Variants in PDE4D observed in about 807,000 individuals in gnomAD.
The protein encoded by PDE4D is phosphodiesterase 4D.
Under a neutral mutation model 87.4 loss-of-function variants are expected in PDE4D, and 24 were observed. That is an observed-to-expected ratio of 0.27 (90% CI 0.20 to 0.39). The LOEUF (loss-of-function observed/expected upper bound fraction) is 0.39, where lower values mean the gene tolerates loss of function less well. PDE4D is among the 10% of genes least tolerant of loss of function. The probability of loss-of-function intolerance (pLI) is 1.00; values close to 1 mark genes in which losing one functional copy is unlikely to be tolerated. For missense variants in PDE4D, 714 were observed against 1,041.0 expected (o/e 0.69, Z 4.32); for synonymous variants, 384 against 383.2 (o/e 1.00, Z -0.02).
intron 1 of PDE4D, among the ~76,000 whole-genome samples, chr5:59,615,518 G>GT (rs1043620654): frequency 6.6e-6 from 1 of 152,140 alleles, no homozygotes; most frequent in African/African-American, 2.4e-5. Flanking sequence ...AGTCAAATAT[G>GT]TTTTGCTGAC....
At chr5:60,141,348 G>A (rs1156236313) in intron 2 of PDE4D, among the ~76,000 whole-genome samples, 1 of 152,046 alleles carries the variant, frequency 6.6e-6, no homozygotes, top group African/African-American at 2.4e-5. Flanking sequence ...GCAAGCTTTG[G>A]CAAAGACACC....
chr5:59,793,713 G>C (rs1051440340), intron 1 of PDE4D, among the ~76,000 whole-genome samples: 15 of 152,186 alleles, frequency 9.9e-5, no homozygotes, highest in African/African-American at 3.6e-4. Flanking sequence ...TGCTTGACTT[G>C]TTCATTTCAC....
chr5:59,496,051 T>C (rs933613548), intron 1 of PDE4D, among the ~76,000 whole-genome samples: 1 of 152,092 alleles, frequency 6.6e-6, no homozygotes, highest in African/African-American at 2.4e-5. Flanking sequence ...CACCTGGGCT[T>C]GGAGAATGAG....
chr5:59,712,523 T>C (rs1754359830), intron 1 of PDE4D, among the ~76,000 whole-genome samples: 1 of 136,516 alleles, frequency 7.3e-6, no homozygotes, highest in African/African-American at 2.7e-5. Flanking sequence ...CCACTGAATT[T>C]ACCCAACATT....
chr5:59,420,012 G>T (rs1416200243), intron 1 of PDE4D, among the ~76,000 whole-genome samples: 1 of 152,154 alleles, frequency 6.6e-6, no homozygotes, highest in Non-Finnish European at 1.5e-5. Flanking sequence ...TGCACGTGGT[G>T]GCAGATGGGG....
rs766156405 is a variant in PDE4D, at chr5:60,182,736, C to T, written c.42+2821G>A. Among the ~76,000 whole-genome samples the T allele has an allele frequency of 2.0e-5, 3 of 152,138 alleles. 1 individual carries two copies. Among genetic ancestry groups the T allele is most frequent in the Middle Eastern group, 6.8e-3 (2 of 294 alleles). The stretch of plus-strand genomic sequence containing the variant: ...TACTAAAAATGCCAAAAAAATTAGC[C>T]GAGCGTGGTGGCGGGCACGTGTAGT... On this transcript the variant is annotated intron_variant, in intron 2 of 16. Transcript: ENST00000502484.
intron 5 of PDE4D, among the ~76,000 whole-genome samples, chr5:59,066,947 G>A (rs1442352079): frequency 1.3e-5 from 2 of 151,924 alleles, no homozygotes; most frequent in Non-Finnish European, 2.9e-5. Flanking sequence ...CCAGAACTGT[G>A]AGAAATAAAT....
chr5:59,701,030 C>T (rs571800556), intron 1 of PDE4D, among the ~76,000 whole-genome samples: 1 of 152,294 alleles, frequency 6.6e-6, no homozygotes, highest in South Asian at 2.1e-4. Flanking sequence ...CTTAACCTGG[C>T]TCACAAGGTC....
At chr5:59,717,997 A>G (rs1353504014) in intron 1 of PDE4D, among the ~76,000 whole-genome samples, 2 of 152,196 alleles carry the variant, frequency 1.3e-5, no homozygotes, top group Non-Finnish European at 2.9e-5. Context: ...AGCCATTCCC[A>G]TAACCCACTC....
intron 1 of PDE4D, among the ~76,000 whole-genome samples, chr5:59,370,565 C>T (rs1191557595): frequency 3.9e-5 from 6 of 152,152 alleles, no homozygotes; most frequent in African/African-American, 9.7e-5. Flanking sequence ...AAATCACACT[C>T]GTATTACTAT....
rs1357676903 is a variant in PDE4D, at chr5:58,971,833, C to CT, written c.*2830dup. ...ACTTGTAAAAGGATATTCTTTTATT[C>CT]TTTTTTAAAGCAGTATATATTTCTG... On this transcript the variant is annotated 3_prime_UTR_variant, in exon 15 of 15. Transcript: ENST00000340635. 1 of 152,276 alleles carries CT rather than the reference C, an allele frequency of 6.6e-6. No individual in the cohort carries two copies. The highest frequency in any genetic ancestry group is 1.5e-5 in the Non-Finnish European group (1 of 67,938). 9.4% of individuals were successfully genotyped at this position (152,276 alleles called of 1,614,324 possible). A position where few individuals can be genotyped will look rare whatever the true frequency, so the allele number is the denominator to read the frequency against.
intron 2 of PDE4D, among the ~76,000 whole-genome samples, chr5:59,195,461 G>GCAGATACAGAGCACCAAGC (rs1745264807): frequency 6.6e-6 from 1 of 152,176 alleles, no homozygotes; most frequent in Non-Finnish European, 1.5e-5. Context: ...GAGCTGCAAC[G>GCAGATACAGAGCACCAAGC]AGAAGCTCGG....
At chr5:58,991,293 CAAACAAAACAAAACA>C (rs1554038888) in intron 8 of PDE4D, among the ~76,000 whole-genome samples, 1 of 147,124 alleles carries the variant, frequency 6.8e-6, no homozygotes, top group African/African-American at 2.4e-5. Flanking sequence ...TGTCTCAAAA[CAAACAAAACAAAACA>C]AAACAAAACA....
chr5:59,978,103 T>C (rs57785463), intron 3 of PDE4D, among the ~76,000 whole-genome samples: 2,684 of 152,282 alleles, frequency 0.018, 75 homozygotes, highest in African/African-American at 0.061. Context: ...GTTAATGTTA[T>C]CATGCCTGCT....
intron 2 of PDE4D, among the ~76,000 whole-genome samples, chr5:60,052,220 T>A (rs1770250984): frequency 6.9e-6 from 1 of 145,354 alleles, no homozygotes. Context: ...AGCCAAAGCC[T>A]GGCAGAGACA....
intron 1 of PDE4D, among the ~76,000 whole-genome samples, chr5:60,500,237 G>A (rs1057106894): frequency 2.0e-5 from 3 of 152,064 alleles, no homozygotes; most frequent in Non-Finnish European, 2.9e-5. Flanking sequence ...CCAAAAGGTC[G>A]AGGCTGCAGT....
At chr5:59,679,670 C>T (rs537963849) in intron 1 of PDE4D, among the ~76,000 whole-genome samples, 12 of 152,258 alleles carry the variant, frequency 7.9e-5, no homozygotes, top group African/African-American at 2.9e-4. Context: ...GTGTACTAAG[C>T]TCTTTCTCAA....
intron 1 of PDE4D, among the ~76,000 whole-genome samples, chr5:59,598,782 A>G (rs1827076435): frequency 6.6e-6 from 1 of 152,160 alleles, no homozygotes; most frequent in Non-Finnish European, 1.5e-5. Context: ...GGACATTACT[A>G]TTAATACTAA....
chr5:59,613,581 G>A (rs1033984556), intron 1 of PDE4D, among the ~76,000 whole-genome samples: 7 of 152,028 alleles, frequency 4.6e-5, no homozygotes, highest in Non-Finnish European at 8.8e-5. Flanking sequence ...TGCAGCAAAG[G>A]AGGATGCAGA....
Sources: allele counts gnomAD v4.1 joint callset (sites outside exome capture counted in the v4.1 genomes callset), GRCh38; gene constraint gnomAD v4.1.1; transcripts MANE v1.5; gene names NCBI Gene and HGNC (gene_info 2026-07-23, HGNC 2026-07-21).